SOX5: variants seen among roughly 807,000 people sequenced by gnomAD.
SOX5 encodes SRY-box transcription factor 5.
Under a neutral mutation model 92.0 loss-of-function variants are expected in SOX5, and 9 were observed. The ratio of observed to expected loss-of-function variants is 0.10; its 90% CI spans 0.06 to 0.17. SOX5 has a LOEUF of 0.17. Among genes scored for constraint, SOX5 ranks in the 10% least tolerant of loss-of-function variants. The probability of loss-of-function intolerance (pLI) is 1.00; values close to 1 mark genes in which losing one functional copy is unlikely to be tolerated. For missense variants in SOX5, 642 were observed against 944.5 expected (o/e 0.68, Z 4.20); for synonymous variants, 344 against 336.3 (o/e 1.02, Z -0.25).
chr12:24,098,217 A>G (rs528640165), intron 4 of SOX5, among the ~76,000 whole-genome samples: 3 of 152,292 alleles, frequency 2.0e-5, no homozygotes, highest in South Asian at 2.1e-4. Context: ...AACTAAAGCA[A>G]TATCAATACA....
intron 4 of SOX5, among the ~76,000 whole-genome samples, chr12:24,090,366 C>T (rs1265932686): frequency 6.6e-6 from 1 of 152,102 alleles, no homozygotes; most frequent in African/African-American, 2.4e-5. Flanking sequence ...TATGTGACCA[C>T]TGAGAACGCT....
chr12:24,240,431 A>C (rs883569), intron 3 of SOX5, among the ~76,000 whole-genome samples: 33,254 of 152,162 alleles, frequency 0.22, 3,730 homozygotes, highest in African/African-American at 0.28. Flanking sequence ...TTCCGTACAA[A>C]GATGCAATTT....
At chr12:23,922,732 CCAATT>C (rs1160950923) in intron 1 of SOX5, among the ~76,000 whole-genome samples, 3 of 152,158 alleles carry the variant, frequency 2.0e-5, no homozygotes, top group Non-Finnish European at 4.4e-5. Flanking sequence ...AAAACTCAAT[CCAATT>C]CAATAAGTAC....
At chr12:24,013,084 C>G (rs1953146825) in intron 4 of SOX5, among the ~76,000 whole-genome samples, 1 of 152,046 alleles carries the variant, frequency 6.6e-6, no homozygotes, top group South Asian at 2.1e-4. Context: ...ATTTTATTTC[C>G]CTACCTTCAC....
intron 4 of SOX5, among the ~76,000 whole-genome samples, chr12:24,134,985 C>A (rs780508833): frequency 7.2e-5 from 11 of 152,120 alleles, no homozygotes; most frequent in Admixed American, 4.6e-4. Context: ...AAGAAAACAG[C>A]CTTGCCATGA....
At chr12:24,026,512 G>A (rs1045022980) in intron 4 of SOX5, among the ~76,000 whole-genome samples, 9 of 151,036 alleles carry the variant, frequency 6.0e-5, no homozygotes, top group Non-Finnish European at 1.0e-4. Context: ...TACTTTGGGA[G>A]GCCAAGGCAG....
intron 3 of SOX5, among the ~76,000 whole-genome samples, chr12:24,266,189 C>A: frequency 6.6e-6 from 1 of 151,986 alleles, no homozygotes; most frequent in Non-Finnish European, 1.5e-5. Flanking sequence ...GCTAGAATTA[C>A]TAAAGGCTAA....
In SOX5 at chr12:24,440,594, TTGTGTGTGTGTGTGTGTG is replaced by T. The variant is rs56082162; in HGVS notation, c.-250-71973_-250-71956del. On this transcript the variant is annotated intron_variant, in intron 1 of 4. Transcript: ENST00000446891. ...TGTGGCATCCCATTCACATGATCCT[TTGTGTGTGTGTGTGTGTG>T]TGTGTGTGTGTGTGTGTGTGTGTGT... 3.3e-3 allele frequency among the ~76,000 whole-genome samples: 455 copies of T among 139,732 alleles called. 4 individuals carry two copies. The highest frequency in any genetic ancestry group is 0.026 in the East Asian group (121 of 4,606). 91.7% of individuals were successfully genotyped at this position (139,732 alleles called of 152,430 possible).
chr12:23,634,048 T>G (rs2078901936), intron 8 of SOX5, among the ~76,000 whole-genome samples: 1 of 152,272 alleles, frequency 6.6e-6, no homozygotes, highest in East Asian at 1.9e-4. Flanking sequence ...TCAAGTTCCC[T>G]GGCCATTAAA....
At chr12:24,499,420 T>C (rs1435110909) in intron 1 of SOX5, among the ~76,000 whole-genome samples, 2 of 152,212 alleles carry the variant, frequency 1.3e-5, no homozygotes, top group Non-Finnish European at 1.5e-5. Context: ...TCAGCAAAGA[T>C]GGGTGCTATG....
chr12:24,163,203 A>G (rs1451539677), intron 4 of SOX5, among the ~76,000 whole-genome samples: 1 of 152,170 alleles, frequency 6.6e-6, no homozygotes, highest in East Asian at 1.9e-4. Flanking sequence ...TAATGACACA[A>G]TAGGGCTTTC....
At chr12:23,973,030 A>C (rs746956019) in intron 4 of SOX5, among the ~76,000 whole-genome samples, 9 of 152,068 alleles carry the variant, frequency 5.9e-5, no homozygotes, top group Non-Finnish European at 1.2e-4. Context: ...TATGAGATTG[A>C]CTTTTTTAGA....
chr12:23,689,194 A>G (rs976642716), intron 6 of SOX5, among the ~76,000 whole-genome samples: 3 of 152,038 alleles, frequency 2.0e-5, no homozygotes, highest in Non-Finnish European at 2.9e-5. Flanking sequence ...CTCCCCAACC[A>G]TTTGGCTACA....
At chr12:24,512,619 C>T (rs898102663) in intron 1 of SOX5, among the ~76,000 whole-genome samples, 2 of 152,138 alleles carry the variant, frequency 1.3e-5, no homozygotes, top group African/African-American at 4.8e-5. Context: ...TGCATATTCA[C>T]AGGAAGTCAT....
chr12:24,295,144 GTA>G (rs1159949972), intron 2 of SOX5, among the ~76,000 whole-genome samples: 2 of 152,008 alleles, frequency 1.3e-5, no homozygotes, highest in African/African-American at 4.8e-5. Flanking sequence ...GTAAATATAA[GTA>G]TATATGAGTA....
chr12:24,408,714 A>T (rs1265196476), intron 1 of SOX5, among the ~76,000 whole-genome samples: 1 of 152,236 alleles, frequency 6.6e-6, no homozygotes, highest in Non-Finnish European at 1.5e-5. Flanking sequence ...ATAGTGTTCT[A>T]TGGTATGGAT....
chr12:24,030,188 T>G (rs1327367955), intron 4 of SOX5, among the ~76,000 whole-genome samples: 2 of 151,928 alleles, frequency 1.3e-5, no homozygotes, highest in Non-Finnish European at 1.5e-5. Flanking sequence ...TAATACTATT[T>G]TTTTGATAGT....
intron 9 of SOX5, among the ~76,000 whole-genome samples, chr12:23,579,860 T>G (rs1211000584): frequency 6.6e-6 from 1 of 152,096 alleles, no homozygotes; most frequent in Non-Finnish European, 1.5e-5. Context: ...TTCTATCAAC[T>G]ACACCATCAA....
intron 1 of SOX5, among the ~76,000 whole-genome samples, chr12:24,405,396 C>G (rs1962701052): frequency 6.6e-6 from 1 of 152,080 alleles, no homozygotes; most frequent in African/African-American, 2.4e-5. Context: ...CGTTAGAAAA[C>G]TGTTGGCAAG....
Sources: allele counts gnomAD v4.1 joint callset (sites outside exome capture counted in the v4.1 genomes callset), GRCh38; gene constraint gnomAD v4.1.1; transcripts MANE v1.5; gene names NCBI Gene and HGNC (gene_info 2026-07-23, HGNC 2026-07-21).